GABBR2: variants seen among roughly 807,000 people sequenced by gnomAD.
The protein encoded by GABBR2 is G-protein coupled receptor 51.
In GABBR2, 23 loss-of-function variants were observed where a neutral mutation model predicts 105.6. That is an observed-to-expected ratio of 0.22 (90% CI 0.16 to 0.31). The LOEUF (loss-of-function observed/expected upper bound fraction) is 0.31. Ranked by LOEUF, GABBR2 falls within the 10% of genes least tolerant of loss-of-function variation. The pLI, the probability that GABBR2 is intolerant of heterozygous loss-of-function variation, is 1.00. For synonymous variants in GABBR2, 478 were observed against 499.7 expected, an observed-to-expected ratio of 0.96 and a Z score of 0.58; for missense variants, 734 against 1,245.5, an observed-to-expected ratio of 0.59 and a Z score of 6.18.
At chr9:98,394,139 G>A in intron 9 of GABBR2, 36 bp downstream of exon 9, 2 of 1,456,730 alleles carry the variant, frequency 1.4e-6, no homozygotes, top group Non-Finnish European at 1.9e-6. Flanking sequence ...GAGCAACTGG[G>A]CAGGCCCCCT....
intron 15 of GABBR2, among the ~76,000 whole-genome samples, chr9:98,305,645 T>C (rs1659313267): frequency 1.3e-5 from 2 of 152,056 alleles, no homozygotes; most frequent in Non-Finnish European, 2.9e-5. Flanking sequence ...GGAGACCCCG[T>C]CTCTATAAAA....
At chr9:98,381,498 C>T (rs1406817616) in intron 11 of GABBR2, among the ~76,000 whole-genome samples, 1 of 152,232 alleles carries the variant, frequency 6.6e-6, no homozygotes, top group South Asian at 2.1e-4. Context: ...CCATCAGGCA[C>T]TGGTACTTAG....
chr9:98,507,760 G>A (rs912765978), intron 3 of GABBR2, among the ~76,000 whole-genome samples: 3 of 152,034 alleles, frequency 2.0e-5, no homozygotes, highest in East Asian at 3.9e-4. Context: ...CCCTCTTCTC[G>A]GCTAAACAGA....
intron 2 of GABBR2, among the ~76,000 whole-genome samples, chr9:98,559,810 C>T (rs1481457986): frequency 6.6e-6 from 1 of 150,958 alleles, no homozygotes; most frequent in East Asian, 1.9e-4. Flanking sequence ...AACTACAGTA[C>T]ATCCATACAA....
intron 10 of GABBR2, among the ~76,000 whole-genome samples, chr9:98,387,980 A>G (rs1382690706): frequency 6.6e-6 from 1 of 152,216 alleles, no homozygotes; most frequent in Non-Finnish European, 1.5e-5. Flanking sequence ...ACCATGGCAG[A>G]GCCATGGCAC....
intron 13 of GABBR2, among the ~76,000 whole-genome samples, chr9:98,354,813 T>C (rs1831458071): frequency 6.6e-6 from 1 of 152,226 alleles, no homozygotes; most frequent in Non-Finnish European, 1.5e-5. Context: ...TTATCATTCA[T>C]GTGTTCACTG....
At position 98,602,094 on chromosome 9, in the gene GABBR2, G is replaced by T. The variant is rs531644955; in HGVS notation, c.322-24022C>A. Among the ~76,000 whole-genome samples the T allele has an allele frequency of 5.3e-5, 8 of 151,968 alleles. No individual in the cohort carries two copies. The East Asian group carries it at 1.4e-3, about 26-fold the overall frequency. ...CAGCTCACTGCAGCCTCACCCTCCC[G>T]GGCTCAAGCAATCCTCCCTCCTCAG... On this transcript the variant is annotated intron_variant, in intron 1 of 18. Coordinates refer to ENST00000259455, the MANE Select transcript of GABBR2 (RefSeq NM_005458.8).
chr9:98,455,333 T>C (rs1826307272), intron 6 of GABBR2, among the ~76,000 whole-genome samples: 1 of 152,310 alleles, frequency 6.6e-6, no homozygotes, highest in Non-Finnish European at 1.5e-5. Flanking sequence ...TCATGGGTCT[T>C]TTTTCAAATC....
chr9:98,454,309 C>G lies in GABBR2; in HGVS notation c.1000-92G>C. 1 of 830,502 alleles carries G rather than the reference C, an allele frequency of 1.2e-6. No individual in the cohort carries two copies. The highest frequency in any genetic ancestry group is 2.1e-6 in the Non-Finnish European group (1 of 476,522). 51.4% of individuals were successfully genotyped at this position (830,502 alleles called of 1,614,324 possible). A position where few individuals can be genotyped will look rare whatever the true frequency, so the allele number is the denominator to read the frequency against. On this transcript the variant is annotated intron_variant, in intron 6 of 18. Transcript: ENST00000259455. This position sits in a 1 kb window ranked among gnomAD's most constrained non-coding sequence, Gnocchi z 4.6. ...GAGAAGAGCTGCTATTCTTCAATGCCCACAGGGTGCCAGGTACAGTGCTAG... is the reference window on the plus strand; with the variant it reads ...GAGAAGAGCTGCTATTCTTCAATGCGCACAGGGTGCCAGGTACAGTGCTAG...
intron 7 of GABBR2, among the ~76,000 whole-genome samples, chr9:98,427,569 A>G (rs1825720067): frequency 1.3e-5 from 2 of 152,218 alleles, no homozygotes; most frequent in Non-Finnish European, 2.9e-5. Context: ...GGTCACTACC[A>G]AATTCCATCA....
intron 2 of GABBR2, among the ~76,000 whole-genome samples, chr9:98,570,861 C>T (rs1186481501): frequency 1.3e-5 from 2 of 152,194 alleles, no homozygotes; most frequent in African/African-American, 2.4e-5. Flanking sequence ...GCTGGAGAGT[C>T]CTTGGGTGAC....
chr9:98,432,494 G>A (rs992528652), intron 7 of GABBR2, among the ~76,000 whole-genome samples: 1 of 152,150 alleles, frequency 6.6e-6, no homozygotes, highest in Non-Finnish European at 1.5e-5. Context: ...AACAAACAGA[G>A]CATTAGAGGT....
At chr9:98,495,975 A>T (rs1827270945) in intron 4 of GABBR2, 1 of 170,880 alleles carries the variant, frequency 5.9e-6, no homozygotes, top group Non-Finnish European at 1.3e-5. Flanking sequence ...CAACTGGGGA[A>T]ACTTCTCGTT....
intron 3 of GABBR2, among the ~76,000 whole-genome samples, chr9:98,498,905 A>C (rs924549306): frequency 1.3e-5 from 2 of 152,248 alleles, no homozygotes; most frequent in Non-Finnish European, 2.9e-5. Flanking sequence ...GAAAACATGC[A>C]CATGTGGCCC....
At chr9:98,399,449 C>T (rs996634862) in intron 8 of GABBR2, among the ~76,000 whole-genome samples, 9 of 152,200 alleles carry the variant, frequency 5.9e-5, no homozygotes, top group African/African-American at 2.2e-4. Flanking sequence ...CTCTGAATGC[C>T]CACAGCTGCC....
intron 1 of GABBR2, among the ~76,000 whole-genome samples, chr9:98,673,322 C>T (rs944660774): frequency 1.2e-4 from 18 of 152,126 alleles, no homozygotes; most frequent in South Asian, 2.1e-4. Context: ...ATAATCGCCT[C>T]GTGCAGCACT....
intron 1 of GABBR2, among the ~76,000 whole-genome samples, chr9:98,641,476 C>A (rs16917763): frequency 0.016 from 2,463 of 152,200 alleles, 68 homozygotes; most frequent in African/African-American, 0.057. Context: ...CTTCAGATAC[C>A]TGTCACAGCA....
At chr9:98,421,956 GC>G (rs1832789580) in intron 7 of GABBR2, among the ~76,000 whole-genome samples, 1 of 152,156 alleles carries the variant, frequency 6.6e-6, no homozygotes, top group East Asian at 1.9e-4. Flanking sequence ...CAAACCGTTA[GC>G]CCAAAAACTG....
chr9:98,338,139 C>T (rs1831148379), intron 13 of GABBR2, among the ~76,000 whole-genome samples: 1 of 152,118 alleles, frequency 6.6e-6, no homozygotes, highest in Non-Finnish European at 1.5e-5. Context: ...GATCAAATAC[C>T]TAAATGTAAG....
Sources: allele counts gnomAD v4.1 joint callset (sites outside exome capture counted in the v4.1 genomes callset), GRCh38; gene constraint gnomAD v4.1.1; non-coding constraint Gnocchi (gnomAD v3.1); transcripts MANE v1.5; gene names NCBI Gene and HGNC (gene_info 2026-07-23, HGNC 2026-07-21).